MSH3: variants seen among roughly 807,000 people sequenced by gnomAD.
MSH3 encodes DNA mismatch repair protein Msh3.
Under a neutral mutation model 123.3 loss-of-function variants are expected in MSH3, and 106 were observed. That is an observed-to-expected ratio of 0.86 (90% confidence interval 0.73 to 1.01). The LOEUF is 1.01. MSH3 is among the 50% of genes least tolerant of loss of function. The probability of loss-of-function intolerance (pLI) is 0.00; values close to 1 mark genes in which losing one functional copy is unlikely to be tolerated. For synonymous variants in MSH3, 515 were observed against 481.4 expected (o/e 1.07, Z -0.91); for missense variants, 1,459 against 1,347.6 (o/e 1.08, Z -1.29).
chr5:80,830,568 G>T (rs894919417), intron 20 of MSH3, among the ~76,000 whole-genome samples: 3 of 152,184 alleles, frequency 2.0e-5, no homozygotes, highest in Non-Finnish European at 4.4e-5. Flanking sequence ...CCTTAATTAT[G>T]TGTAGTTTTC....
intron 8 of MSH3, among the ~76,000 whole-genome samples, chr5:80,715,846 A>C (rs1053978406): frequency 2.3e-4 from 35 of 151,816 alleles, no homozygotes; most frequent in Non-Finnish European, 4.1e-4. Context: ...TGATCCAGTC[A>C]CCTCCCACCA....
intron 21 of MSH3, among the ~76,000 whole-genome samples, chr5:80,861,676 C>T (rs961449520): frequency 2.0e-5 from 3 of 152,192 alleles, no homozygotes; most frequent in African/African-American, 7.2e-5. Context: ...CCCCCTTCCC[C>T]CATGACTCGG....
In MSH3 at chr5:80,654,972, C is replaced by T. The variant is rs769957232; in HGVS notation, c.237+8C>T. ...CAGCTGCCGCCGCACATAGTAGGTT[C>T]TGTCTGGGACTGGGCAGGGCCATCG... On this transcript the variant is annotated splice_region_variant and intron_variant, in intron 1 of 23. Transcript: ENST00000265081. 3.5e-6 allele frequency: 5 copies of T among 1,447,126 alleles called. No homozygotes were observed. The highest frequency in any genetic ancestry group is 4.6e-6 in the Non-Finnish European group (5 of 1,095,882). The allele number at this position is 1,447,126 out of a possible 1,614,324, so 89.6% of individuals were successfully genotyped here. A position where few individuals can be genotyped will look rare whatever the true frequency, so the allele number is the denominator to read the frequency against.
intron 13 of MSH3, 28 bp downstream of exon 13, chr5:80,761,706 T>C: frequency 6.2e-7 from 1 of 1,613,632 alleles, no homozygotes; most frequent in Non-Finnish European, 8.5e-7. Context: ...CTATTAAAGC[T>C]GACAGTGTTC....
At chr5:80,830,312 C>G (rs1478724538) in intron 20 of MSH3, among the ~76,000 whole-genome samples, 1 of 152,090 alleles carries the variant, frequency 6.6e-6, no homozygotes, top group Non-Finnish European at 1.5e-5. Context: ...CCCTTGAACT[C>G]TTATTTTTAA....
chr5:80,860,522 G>C (rs2161272), intron 21 of MSH3, among the ~76,000 whole-genome samples: 3 of 149,990 alleles, frequency 2.0e-5, no homozygotes, highest in African/African-American at 7.3e-5. Context: ...TGAGAAGTCA[G>C]ATGTAATTTT....
At chr5:80,850,346 G>A (rs542818584) in intron 20 of MSH3, among the ~76,000 whole-genome samples, 40 of 152,206 alleles carry the variant, frequency 2.6e-4, no homozygotes, top group African/African-American at 8.9e-4. Flanking sequence ...ACTTTTTCAA[G>A]TATCTTTCCA....
rs1750806836 is a variant in MSH3 at position 80,709,678 on chromosome 5, A to G, written c.1341-15775A>G. 2.0e-5 allele frequency among the ~76,000 whole-genome samples: 3 copies of G among 152,232 alleles called. No individual in the cohort carries two copies. In the South Asian group the frequency reaches 6.2e-4, roughly 32 times the overall value. Reference sequence around the variant, plus strand: ...TTAACAACTTTTGTTAATTTTTCTTATGTTTAATAATAATTATAGATAAGC... The same window carrying G: ...TTAACAACTTTTGTTAATTTTTCTTGTGTTTAATAATAATTATAGATAAGC... On this transcript the variant is annotated intron_variant, in intron 8 of 23. Transcript: ENST00000265081.
intron 11 of MSH3, 34 bp from the exon 12 acceptor site, chr5:80,744,472 T>G: frequency 7.0e-7 from 1 of 1,436,910 alleles, no homozygotes. Flanking sequence ...AATAATTGTC[T>G]AGTTAATAAA....
intron 15 of MSH3, among the ~76,000 whole-genome samples, chr5:80,770,487 T>C (rs1052287830): frequency 1.3e-5 from 2 of 152,188 alleles, no homozygotes; most frequent in Non-Finnish European, 2.9e-5. Context: ...TATCAAGTAC[T>C]TGTTAAAGTC....
At chr5:80,846,330 AG>A (rs1745720385) in intron 20 of MSH3, among the ~76,000 whole-genome samples, 1 of 150,440 alleles carries the variant, frequency 6.6e-6, no homozygotes, top group Non-Finnish European at 1.5e-5. Flanking sequence ...CCCTACTGGG[AG>A]GTGTCTCCCA....
intron 8 of MSH3, among the ~76,000 whole-genome samples, chr5:80,707,319 A>C (rs891064632): frequency 6.6e-6 from 1 of 152,236 alleles, no homozygotes; most frequent in Non-Finnish European, 1.5e-5. Flanking sequence ...TTTTCATTAA[A>C]GTTACTAACA....
rs758909601 is a variant in MSH3, at chr5:80,747,650, A to G, written c.1763+3035A>G. On this transcript the variant is annotated intron_variant, in intron 12 of 23. Coordinates refer to ENST00000265081, the MANE Select transcript of MSH3 (RefSeq NM_002439.5). ...GCTGATTAGTCAGTGGCTCAGCTAT[A>G]TAATTAGTCATGTACCACATGACAA... Among the ~76,000 whole-genome samples the G allele has an allele frequency of 4.1e-4, 63 of 152,220 alleles. 1 individual carries two copies. Among genetic ancestry groups the G allele is most frequent in the Non-Finnish European group, 1.0e-4 (7 of 68,038 alleles).
At chr5:80,720,139 A>G (rs1227013595) in intron 8 of MSH3, among the ~76,000 whole-genome samples, 1 of 152,156 alleles carries the variant, frequency 6.6e-6, no homozygotes, top group Non-Finnish European at 1.5e-5. Flanking sequence ...TATTGTCTGT[A>G]GGGTAAAACA....
At position 80,873,211 on chromosome 5, in the gene MSH3, G is replaced by A. The variant is rs372732917; in HGVS notation, c.3226G>A (p.Ala1076Thr). 2 of 1,613,872 alleles carry A rather than the reference G, an allele frequency of 1.2e-6. No homozygotes were observed. Among genetic ancestry groups the A allele is most frequent in the African/African-American group, 2.7e-5 (2 of 74,916 alleles). Reference sequence around the variant, plus strand: ...TTATGGATTAAATGTGGCTAAACTAGCAGATGTTCCTGGAGAAATTTTGAA... The same window carrying A: ...TTATGGATTAAATGTGGCTAAACTAACAGATGTTCCTGGAGAAATTTTGAA... ...RSYGLNVAKLADVPGEILKKA... is the reference protein window; with the variant it reads ...RSYGLNVAKLTDVPGEILKKA... The change falls in exon 23 of 24, where the codon GCA becomes ACA. Residue 1076 changes from alanine (A) to threonine (T), a missense_variant. Ala to Thr is a moderately conservative substitution (Grantham distance 58). Coordinates refer to ENST00000265081, the MANE Select transcript of MSH3 (RefSeq NM_002439.5).
intron 12 of MSH3, among the ~76,000 whole-genome samples, chr5:80,752,128 A>G (rs1027533584): frequency 4.6e-5 from 7 of 152,010 alleles, no homozygotes; most frequent in Admixed American, 1.3e-4. Flanking sequence ...GAGATGAAAA[A>G]GAAACATTTA....
At chr5:80,755,862 C>T (rs953742571) in intron 12 of MSH3, among the ~76,000 whole-genome samples, 1 of 152,130 alleles carries the variant, frequency 6.6e-6, no homozygotes, top group African/African-American at 2.4e-5. Context: ...GTGACAAATA[C>T]GTCTTGACCT....
chr5:80,710,323 C>T (rs767648321), intron 8 of MSH3, among the ~76,000 whole-genome samples: 17 of 152,192 alleles, frequency 1.1e-4, no homozygotes, highest in Non-Finnish European at 2.4e-4. Flanking sequence ...TACAGCCTCT[C>T]AGGAAAAACA....
chr5:80,843,802 G>A (rs952915513), intron 20 of MSH3, among the ~76,000 whole-genome samples: 17 of 151,614 alleles, frequency 1.1e-4, no homozygotes, highest in Non-Finnish European at 1.8e-4. Context: ...TCTTTTGTTC[G>A]TTATTAGTCT....
Sources: allele counts gnomAD v4.1 joint callset (sites outside exome capture counted in the v4.1 genomes callset), GRCh38; gene constraint gnomAD v4.1.1; transcripts MANE v1.5; gene names NCBI Gene and HGNC (gene_info 2026-07-23, HGNC 2026-07-21).